The following PLA2R1 variants were observed in gnomAD, a reference collection of about 807,000 sequenced individuals.
PLA2R1 encodes secretory phospholipase A2 receptor.
PLA2R1 carries 158 observed loss-of-function variants against 195.9 expected under a neutral mutation model. The ratio of observed to expected loss-of-function variants is 0.81; its 90% CI spans 0.71 to 0.92. The LOEUF (loss-of-function observed/expected upper bound fraction) is 0.92. Ranked by LOEUF, PLA2R1 falls within the 40% of genes least tolerant of loss-of-function variation. The pLI, the probability that PLA2R1 is intolerant of heterozygous loss-of-function variation, is 0.00. For missense variants in PLA2R1, 1,626 were observed against 1,764.6 expected (o/e 0.92, Z 1.41); for synonymous variants, 586 against 598.2 (o/e 0.98, Z 0.30).
intron 1 of PLA2R1, among the ~76,000 whole-genome samples, chr2:160,053,350 G>GT (rs1491048803): frequency 1.0e-4 from 1 of 9,550 alleles, no homozygotes; most frequent in African/African-American, 3.2e-4. Flanking sequence ...GAATTTGGTG[G>GT]GGGGGGGGGG....
intron 11 of PLA2R1, among the ~76,000 whole-genome samples, chr2:159,990,324 C>T (rs1224399336): frequency 6.6e-6 from 1 of 152,142 alleles, no homozygotes; most frequent in Admixed American, 6.6e-5. Flanking sequence ...ACCCCCACCC[C>T]ACTCACTCTC....
In PLA2R1 at chr2:160,024,223, A is replaced by AC. The variant is rs1344883316; in HGVS notation, c.1100-1365dup. Reference sequence around the variant, plus strand: ...TGCTCCAGTAGTGAGTAGCCACAGCACCCCTCCATCCTTGAGGCTTTGTAA... The same window carrying AC: ...TGCTCCAGTAGTGAGTAGCCACAGCACCCCCTCCATCCTTGAGGCTTTGTAA... On this transcript the variant is annotated intron_variant, in intron 6 of 29. Coordinates refer to ENST00000283243, the MANE Select transcript of PLA2R1 (RefSeq NM_007366.5). Among the ~76,000 whole-genome samples the AC allele has an allele frequency of 5.3e-5, 8 of 152,022 alleles. No homozygotes were observed. In the South Asian group the frequency reaches 1.0e-3, roughly 20 times the overall value.
In PLA2R1 at chr2:159,940,135, C is replaced by T. The variant is rs935751176; in HGVS notation, c.*1643G>A. The T allele has an allele frequency of 7.2e-5, 11 of 152,260 alleles. No homozygotes were observed. Among genetic ancestry groups the T allele is most frequent in the African/African-American group, 2.4e-4 (10 of 41,552 alleles). 9.4% of individuals were successfully genotyped at this position (152,260 alleles called of 1,614,324 possible). On this transcript the variant is annotated 3_prime_UTR_variant, in exon 30 of 30. Transcript: ENST00000283243. ...TCTTAGAAATTCATTCATACTTTCTCTCAGAGCTCCCCCTTGTGATTAGTG... is the reference window on the plus strand; with the variant it reads ...TCTTAGAAATTCATTCATACTTTCTTTCAGAGCTCCCCCTTGTGATTAGTG...
At chr2:159,954,906 C>G (rs1304552621) in intron 23 of PLA2R1, among the ~76,000 whole-genome samples, 1 of 152,170 alleles carries the variant, frequency 6.6e-6, no homozygotes, top group Non-Finnish European at 1.5e-5. Flanking sequence ...ATCACCTGAA[C>G]AGATACATAA....
the PLA2R1 span, among the ~76,000 whole-genome samples, chr2:159,924,883 C>A: frequency 6.6e-6 from 1 of 151,964 alleles, no homozygotes; most frequent in Non-Finnish European, 1.5e-5. Flanking sequence ...TTAAGAATAA[C>A]AGTTGGTTGT....
At chr2:160,046,542 TGAG>T (rs1694888701) in intron 1 of PLA2R1, among the ~76,000 whole-genome samples, 2 of 152,200 alleles carry the variant, frequency 1.3e-5, no homozygotes, top group Non-Finnish European at 2.9e-5. Context: ...TTAATCAGCC[TGAG>T]GAGAACTGAT....
chr2:160,018,791 T>C (rs1692924169), intron 8 of PLA2R1, among the ~76,000 whole-genome samples: 1 of 152,254 alleles, frequency 6.6e-6, no homozygotes, highest in African/African-American at 2.4e-5. Flanking sequence ...TGTACAATTG[T>C]AATTGTCTGT....
chr2:159,941,905 TTG>T lies in PLA2R1; in HGVS notation c.4263_4264del (p.Tyr1421Ter). 1 of 1,613,772 alleles carries T rather than the reference TTG, an allele frequency of 6.2e-7. No homozygotes were observed. The highest frequency in any genetic ancestry group is 8.5e-7 in the Non-Finnish European group (1 of 1,179,706). On this transcript the variant is annotated stop_gained and frameshift_variant, in exon 30 of 30. Coordinates refer to ENST00000283243, the MANE Select transcript of PLA2R1 (RefSeq NM_007366.5). LOFTEE classifies it high-confidence loss of function. ...TCTCCTGAAGAAGCCACCGTTATGCTTGTATATGCAGAAGGAAAGTGTGCAAA... is the reference window on the plus strand; with the variant it reads ...TCTCCTGAAGAAGCCACCGTTATGCTTATATGCAGAAGGAAAGTGTGCAAA...
intron 12 of PLA2R1, 94 bp downstream of exon 12, chr2:159,987,062 A>C (rs1690396431): frequency 2.1e-6 from 2 of 958,154 alleles, no homozygotes; most frequent in Admixed American, 2.0e-5. Context: ...TTCTGGAAAA[A>C]AAAAGGGCCC....
At chr2:160,000,913 G>A (rs1691544705) in intron 11 of PLA2R1, among the ~76,000 whole-genome samples, 1 of 152,010 alleles carries the variant, frequency 6.6e-6, no homozygotes, top group Non-Finnish European at 1.5e-5. Flanking sequence ...CAAACATGGA[G>A]GAGAGGCTGA....
chr2:159,992,263 C>T (rs928014976), intron 11 of PLA2R1, among the ~76,000 whole-genome samples: 2 of 151,956 alleles, frequency 1.3e-5, no homozygotes, highest in Non-Finnish European at 2.9e-5. Flanking sequence ...TAAATGTCTT[C>T]TTTTGAGAAG....
chr2:159,945,858 C>A lies in PLA2R1; in HGVS notation c.3968-776G>T, dbSNP rs1387107404. ...TTAGGTACAGTGTTCTTATTTAGGT[C>A]ATTTAGGTTATCATGTTTCTTAATG... On this transcript the variant is annotated intron_variant, in intron 27 of 29. Transcript: ENST00000283243. The A allele has an allele frequency of 3.3e-6, 3 of 917,176 alleles. No individual in the cohort carries two copies. The Admixed American group carries it at 1.9e-4, about 57-fold the overall frequency. 56.8% of individuals were successfully genotyped at this position (917,176 alleles called of 1,614,324 possible).
intron 16 of PLA2R1, among the ~76,000 whole-genome samples, chr2:159,976,482 G>C (rs1359754297): frequency 6.6e-6 from 1 of 152,080 alleles, no homozygotes; most frequent in African/African-American, 2.4e-5. Flanking sequence ...CGCATGTCAT[G>C]AAAATGATTG....
At position 159,977,082 on chromosome 2, in the gene PLA2R1, C is replaced by G. The variant is rs146086091; in HGVS notation, c.2401+202G>C. On this transcript the variant is annotated intron_variant, in intron 15 of 29. Transcript: ENST00000283243. Reference sequence around the variant, plus strand: ...AATATTCTGCAATATTAGCTGGTTACCTTAGTTCCCAATGAACTAACTTGG... The same window carrying G: ...AATATTCTGCAATATTAGCTGGTTAGCTTAGTTCCCAATGAACTAACTTGG... Among the ~76,000 whole-genome samples, 1,131 of 152,326 alleles carry G rather than the reference C, an allele frequency of 7.4e-3. 9 individuals carry two copies. Among genetic ancestry groups the G allele is most frequent in the Non-Finnish European group, 0.011 (732 of 68,022 alleles).
chr2:160,010,865 T>C (rs566038604), intron 10 of PLA2R1, among the ~76,000 whole-genome samples: 45 of 152,270 alleles, frequency 3.0e-4, no homozygotes, highest in African/African-American at 1.0e-3. Context: ...AATGTAGACA[T>C]GTTTTGGGGG....
chr2:160,041,714 C>A (rs539764076), intron 3 of PLA2R1, among the ~76,000 whole-genome samples: 1 of 152,274 alleles, frequency 6.6e-6, no homozygotes, highest in Non-Finnish European at 1.5e-5. Flanking sequence ...TTTGAAGTAT[C>A]CAGCCAAGAA....
chr2:160,034,855 GC>G (rs58040648), intron 3 of PLA2R1, among the ~76,000 whole-genome samples: 53,832 of 151,908 alleles, frequency 0.35, 11,866 homozygotes, highest in Non-Finnish European at 0.5. Flanking sequence ...GATTGCTTGA[GC>G]CCAGGAGTTC....
Position 159,945,097 on chromosome 2 carries a change from CT to C in PLA2R1, c.3968-16del. ...TATGGTTTCATCTGTGAGAAAATTG[CT>C]GACTCATTATGAATTATGTGCATGG... On this transcript the variant is annotated splice_polypyrimidine_tract_variant and intron_variant, in intron 27 of 29. Transcript: ENST00000283243. 1 of 1,590,570 alleles carries C rather than the reference CT, an allele frequency of 6.3e-7. No individual in the cohort carries two copies. Among genetic ancestry groups the C allele is most frequent in the Non-Finnish European group, 8.6e-7 (1 of 1,164,566 alleles).
intron 8 of PLA2R1, among the ~76,000 whole-genome samples, chr2:160,018,538 A>C (rs1466260064): frequency 6.6e-6 from 1 of 152,210 alleles, no homozygotes; most frequent in African/African-American, 2.4e-5. Context: ...AGGCTGAGGC[A>C]TGAGAATCTC....
Sources: gnomAD v4.1 joint callset for allele counts (sites outside exome capture counted in the v4.1 genomes callset) on GRCh38, gnomAD v4.1.1 for gene constraint, MANE v1.5 for transcripts, NCBI Gene and HGNC (gene_info 2026-07-23, HGNC 2026-07-21) for gene names.